Variants in CTNNA3 observed in about 807,000 individuals in gnomAD.
CTNNA3 encodes the protein catenin alpha-3.
A neutral mutation model predicts 95.7 loss-of-function variants in CTNNA3; 76 were observed. The observed-to-expected ratio is 0.79, with a 90% CI of 0.66 to 0.96. The LOEUF is 0.96. Ranked by LOEUF, CTNNA3 falls within the 40% of genes least tolerant of loss-of-function variation. The probability of loss-of-function intolerance (pLI) is 0.00; values close to 1 mark genes in which losing one functional copy is unlikely to be tolerated. For synonymous variants in CTNNA3, 431 were observed against 374.4 expected (o/e 1.15, Z -1.74); for missense variants, 1,191 against 1,089.8 (o/e 1.09, Z -1.31).
chr10:65,956,690 G>A (rs2077738476), intron 17 of CTNNA3, among the ~76,000 whole-genome samples: 1 of 152,228 alleles, frequency 6.6e-6, no homozygotes. Flanking sequence ...CCATGTGGTT[G>A]AGTGGTTTTG....
chr10:66,449,322 T>C (rs2093446624), intron 11 of CTNNA3, among the ~76,000 whole-genome samples: 1 of 152,040 alleles, frequency 6.6e-6, no homozygotes, highest in South Asian at 2.1e-4. Flanking sequence ...AAATCTGTAA[T>C]GTATGTAGAT....
chr10:66,765,876 C>A lies in CTNNA3; in HGVS notation c.1281+388G>T, dbSNP rs745346739. On this transcript the variant is annotated intron_variant, in intron 9 of 17. Coordinates refer to ENST00000433211, the MANE Select transcript of CTNNA3 (RefSeq NM_013266.4). ...CCTATATTCTTGTTCTGTAGTCATGCTACATAGTTAAATATGACTTGAAAG... is the reference window on the plus strand; with the variant it reads ...CCTATATTCTTGTTCTGTAGTCATGATACATAGTTAAATATGACTTGAAAG... Among the ~76,000 whole-genome samples, 28 of 152,054 alleles carry A rather than the reference C, an allele frequency of 1.8e-4. 1 individual carries two copies. The highest frequency in any genetic ancestry group is 3.7e-4 in the Non-Finnish European group (25 of 67,994).
intron 1 of CTNNA3, among the ~76,000 whole-genome samples, chr10:67,732,540 C>A (rs1332359827): frequency 6.6e-6 from 1 of 152,154 alleles, no homozygotes; most frequent in Non-Finnish European, 1.5e-5. Context: ...ATTAAAAATG[C>A]ATTCTGTCTT....
intron 5 of CTNNA3, among the ~76,000 whole-genome samples, chr10:67,511,793 T>A (rs1022553573): frequency 5.3e-5 from 8 of 152,238 alleles, no homozygotes; most frequent in African/African-American, 1.9e-4. Context: ...TTTGTACCTC[T>A]GGTAGAATTC....
At chr10:67,508,968 C>T (rs1413168832) in intron 5 of CTNNA3, among the ~76,000 whole-genome samples, 2 of 152,028 alleles carry the variant, frequency 1.3e-5, no homozygotes, top group Non-Finnish European at 2.9e-5. Flanking sequence ...CCTCCGCCTC[C>T]TGGGTTCAAG....
At chr10:66,693,606 C>T (rs1589134709) in intron 9 of CTNNA3, among the ~76,000 whole-genome samples, 5 of 152,002 alleles carry the variant, frequency 3.3e-5, no homozygotes, top group South Asian at 2.1e-4. Context: ...CTGCACCAAG[C>T]GGACCTAATA....
intron 15 of CTNNA3, among the ~76,000 whole-genome samples, chr10:66,062,764 G>A (rs1244035527): frequency 2.6e-5 from 4 of 152,022 alleles, no homozygotes; most frequent in African/African-American, 9.7e-5. Flanking sequence ...CTGTTCTGTG[G>A]ATGCCTTTGC....
intron 4 of CTNNA3, 71 bp from the exon 5 acceptor site, chr10:67,522,032 C>T (rs1359213577): frequency 1.7e-5 from 25 of 1,483,664 alleles, no homozygotes; most frequent in Middle Eastern, 1.8e-4. Context: ...CTTGCTAACA[C>T]GAAGAGTCGA....
intron 13 of CTNNA3, among the ~76,000 whole-genome samples, chr10:66,163,706 A>AGATT (rs772184856): frequency 2.6e-5 from 4 of 152,118 alleles, no homozygotes; most frequent in Non-Finnish European, 5.9e-5. Context: ...ATGCACAAGG[A>AGATT]GATTATATTT....
At chr10:67,045,958 C>T (rs796878403) in intron 7 of CTNNA3, among the ~76,000 whole-genome samples, 8 of 152,176 alleles carry the variant, frequency 5.3e-5, no homozygotes, top group African/African-American at 1.9e-4. Flanking sequence ...CTTTTTTTCT[C>T]TCTTAAGTAT....
intron 7 of CTNNA3, among the ~76,000 whole-genome samples, chr10:66,922,351 G>GA (rs775667753): frequency 5.3e-5 from 8 of 152,130 alleles, no homozygotes; most frequent in African/African-American, 1.9e-4. Flanking sequence ...AGTAAAAGGA[G>GA]AAAAAACTTT....
chr10:67,576,710 C>G (rs12266377), intron 3 of CTNNA3, among the ~76,000 whole-genome samples: 8,783 of 100,544 alleles, frequency 0.087, 948 homozygotes, highest in African/African-American at 0.25. Context: ...CCCCCTCCCC[C>G]CACCCCACAA....
chr10:67,614,377 A>G (rs1272803223), intron 2 of CTNNA3, among the ~76,000 whole-genome samples: 1 of 152,246 alleles, frequency 6.6e-6, no homozygotes, highest in Non-Finnish European at 1.5e-5. Flanking sequence ...TGTAATATAT[A>G]TGAAATAACT....
intron 5 of CTNNA3, among the ~76,000 whole-genome samples, chr10:67,345,287 G>A (rs1457576923): frequency 4.6e-5 from 7 of 151,998 alleles, no homozygotes; most frequent in Non-Finnish European, 7.4e-5. Flanking sequence ...AATAATCCAC[G>A]TGCTGAAGGA....
At chr10:66,472,891 C>T (rs1839186183) in intron 11 of CTNNA3, among the ~76,000 whole-genome samples, 1 of 151,874 alleles carries the variant, frequency 6.6e-6, no homozygotes, top group African/African-American at 2.4e-5. Flanking sequence ...AACTTCAACA[C>T]TATCTCAATA....
intron 13 of CTNNA3, among the ~76,000 whole-genome samples, chr10:66,106,011 C>T (rs2081886097): frequency 6.6e-6 from 1 of 152,040 alleles, no homozygotes; most frequent in Non-Finnish European, 1.5e-5. Flanking sequence ...TGTTCGAGAC[C>T]AGCCTGACCA....
intron 9 of CTNNA3, among the ~76,000 whole-genome samples, chr10:66,694,056 G>A (rs948189985): frequency 3.9e-4 from 59 of 151,918 alleles, no homozygotes; most frequent in Non-Finnish European, 5.4e-4. Flanking sequence ...AAAGAACTAG[G>A]AAAGCAAGAG....
At chr10:66,177,521 T>C (rs1286110711) in intron 13 of CTNNA3, among the ~76,000 whole-genome samples, 1 of 152,026 alleles carries the variant, frequency 6.6e-6, no homozygotes, top group Admixed American at 6.6e-5. Context: ...ATCTCCCTTT[T>C]TGAATTCTAG....
chr10:66,369,078 A>G (rs567480230), intron 12 of CTNNA3, among the ~76,000 whole-genome samples: 6 of 152,282 alleles, frequency 3.9e-5, no homozygotes, highest in African/African-American at 1.4e-4. Context: ...TGATCACCAG[A>G]ATATATTACA....
Sources: allele counts gnomAD v4.1 joint callset (sites outside exome capture counted in the v4.1 genomes callset), GRCh38; gene constraint gnomAD v4.1.1; transcripts MANE v1.5; gene names NCBI Gene and HGNC (gene_info 2026-07-23, HGNC 2026-07-21).